The following STAG2 variants were observed in gnomAD, a reference collection of about 807,000 sequenced individuals.
STAG2 encodes STAG2 cohesin complex component, also known as cohesin subunit SA-2.
Under a neutral mutation model 108.1 loss-of-function variants are expected in STAG2, and 14 were observed. That is an observed-to-expected ratio of 0.13 (90% CI 0.09 to 0.20). STAG2 has a LOEUF of 0.20. STAG2 is among the 10% of genes least tolerant of loss of function. STAG2 has a pLI of 1.00. For synonymous variants in STAG2, 307 were observed against 302.7 expected (o/e 1.01, Z -0.15); for missense variants, 440 against 940.9 (o/e 0.47, Z 6.96).
At chrX:123,986,459 A>G (rs940359329) in intron 1 of STAG2, among the ~76,000 whole-genome samples, 5 of 111,219 alleles carry the variant, frequency 4.5e-5, no homozygotes, top group Non-Finnish European at 9.4e-5. Context: ...GTAATGGTGA[A>G]TAGCTTCCAA....
intron 1 of STAG2, among the ~76,000 whole-genome samples, chrX:123,983,485 AT>A (rs1470726410): frequency 9.1e-6 from 1 of 109,860 alleles, no homozygotes; most frequent in Non-Finnish European, 1.9e-5. Context: ...AAGAGCCCAG[AT>A]TTTTTTTTCT....
At chrX:124,041,872 A>G (rs1489619465) in intron 6 of STAG2, among the ~76,000 whole-genome samples, 2 of 111,144 alleles carry the variant, frequency 1.8e-5, no homozygotes, top group East Asian at 5.6e-4. Flanking sequence ...ATAGTTCTTT[A>G]TTTTCTAACT....
At chrX:124,014,350 A>G (rs1157341729) in intron 1 of STAG2, among the ~76,000 whole-genome samples, 1 of 110,824 alleles carries the variant, frequency 9.0e-6, no homozygotes, top group Non-Finnish European at 1.9e-5. Context: ...CATCCTTTAT[A>G]TATATGTATG....
intron 1 of STAG2, among the ~76,000 whole-genome samples, chrX:124,012,988 T>C (rs2056571169): frequency 8.9e-6 from 1 of 111,887 alleles, no homozygotes; most frequent in Non-Finnish European, 1.9e-5. Context: ...AGGATTATCC[T>C]GTGTTCATCT....
In STAG2 at chrX:124,050,174, TC is replaced by T. The variant is rs1421934352; in HGVS notation, c.894-7del. 3 of 1,206,123 alleles carry T rather than the reference TC, an allele frequency of 2.5e-6. No homozygotes were observed. Among genetic ancestry groups the T allele is most frequent in the Non-Finnish European group, 3.4e-6 (3 of 893,054 alleles). On this transcript the variant is annotated splice_polypyrimidine_tract_variant and intron_variant, in intron 10 of 34. Coordinates refer to ENST00000371145, the MANE Select transcript of STAG2 (RefSeq NM_001042750.2). Reference sequence around the variant, plus strand: ...GCACTAATTATGCATCGTTTTTCCTTCCCCCATTCAGTGATGCGATAGCTGA... The same window carrying T: ...GCACTAATTATGCATCGTTTTTCCTTCCCCATTCAGTGATGCGATAGCTGA...
chrX:124,026,877 T>G (rs773548141), intron 4 of STAG2, among the ~76,000 whole-genome samples: 1 of 111,916 alleles, frequency 8.9e-6, no homozygotes, highest in Non-Finnish European at 1.9e-5. Flanking sequence ...TTTTTTTCTA[T>G]TTTTTAAATT....
In STAG2 at chrX:124,071,332, A is replaced by T; in HGVS notation, c.2533+9A>T. 1 of 1,145,620 alleles carries T rather than the reference A, an allele frequency of 8.7e-7. No homozygotes were observed. The allele number at this position is 1,145,620 out of a possible 1,213,427, so 94.4% of individuals were successfully genotyped here. On this transcript the variant is annotated intron_variant, in intron 25 of 34. Coordinates refer to ENST00000371145, the MANE Select transcript of STAG2 (RefSeq NM_001042750.2). ...TGATAATAATAGTGCAGGTAATTTT[A>T]TTGCCATCTTTTTATTAAATCTGTG...
chrX:124,093,296 C>A (rs2059298812), intron 32 of STAG2, among the ~76,000 whole-genome samples: 1 of 110,881 alleles, frequency 9.0e-6, no homozygotes, highest in Admixed American at 9.6e-5. Context: ...CATGAGTGTT[C>A]CTCATTTCTT....
At chrX:124,078,935 C>T (rs777772445) in intron 27 of STAG2, among the ~76,000 whole-genome samples, 1 of 108,730 alleles carries the variant, frequency 9.2e-6, no homozygotes, top group East Asian at 3.0e-4. Flanking sequence ...TGCCACTGCA[C>T]TCCAGCCTGG....
intron 1 of STAG2, among the ~76,000 whole-genome samples, chrX:124,019,433 A>G (rs1033234128): frequency 9.0e-6 from 1 of 111,180 alleles, no homozygotes; most frequent in Non-Finnish European, 1.9e-5. Context: ...CTTAACAGGT[A>G]TTAAGGACAA....
intron 10 of STAG2, 123 bp from the exon 11 acceptor site, chrX:124,050,063 C>T: frequency 1.2e-6 from 1 of 816,538 alleles, no homozygotes; most frequent in South Asian, 3.7e-5. Context: ...ATTTTTTAAT[C>T]CCTAGTAATA....
At chrX:124,084,860 C>T (rs1569520471) in intron 29 of STAG2, among the ~76,000 whole-genome samples, 1 of 112,004 alleles carries the variant, frequency 8.9e-6, no homozygotes, top group Non-Finnish European at 1.9e-5. Flanking sequence ...GGCAGCAGAG[C>T]CTTTTATACA....
chrX:124,074,056 T>C, intron 25 of STAG2, among the ~76,000 whole-genome samples: 1 of 112,400 alleles, frequency 8.9e-6, no homozygotes, highest in Non-Finnish European at 1.9e-5. Context: ...GATATTAGGT[T>C]GAACATTTTG....
chrX:124,042,420 G>T, intron 6 of STAG2, 149 bp from the exon 7 acceptor site: 1 of 411,586 alleles, frequency 2.4e-6, no homozygotes, highest in Non-Finnish European at 4.3e-6. Flanking sequence ...ATAGATTAGA[G>T]TATCATGGTA....
intron 8 of STAG2, among the ~76,000 whole-genome samples, chrX:124,046,931 T>C (rs73212928): frequency 0.16 from 17,687 of 111,160 alleles, 1,160 homozygotes; most frequent in South Asian, 0.36. Flanking sequence ...CTAAATAACT[T>C]CTGTGTGAAC....
chrX:124,020,826 C>T (rs928459579), intron 1 of STAG2, among the ~76,000 whole-genome samples: 1 of 112,399 alleles, frequency 8.9e-6, no homozygotes, highest in Non-Finnish European at 1.9e-5. Flanking sequence ...TGTGCACCAA[C>T]ACACGAGGCT....
Position 124,063,001 on chromosome X carries a change from T to A in STAG2, c.1731+7T>A. ...TCCTCAGTTATTAGCAAAAGTAAGTTTGTGTCAATATCATAGTGTTACTAA... is the reference window on the plus strand; with the variant it reads ...TCCTCAGTTATTAGCAAAAGTAAGTATGTGTCAATATCATAGTGTTACTAA... On this transcript the variant is annotated splice_region_variant and intron_variant, in intron 18 of 34. Coordinates refer to ENST00000371145, the MANE Select transcript of STAG2 (RefSeq NM_001042750.2). 1 of 1,205,232 alleles carries A rather than the reference T, an allele frequency of 8.3e-7. No homozygotes were observed. Among genetic ancestry groups the A allele is most frequent in the African/African-American group, 1.7e-5 (1 of 57,686 alleles).
At chrX:124,012,205 T>C (rs781413857) in intron 1 of STAG2, among the ~76,000 whole-genome samples, 1 of 112,286 alleles carries the variant, frequency 8.9e-6, no homozygotes, top group South Asian at 3.6e-4. Context: ...TTTGCTAGTA[T>C]TTTGTTAGGA....
upstream of STAG2, chrX:123,961,019 C>T (rs2053823221): frequency 8.9e-6 from 1 of 111,989 alleles, no homozygotes; most frequent in African/African-American, 3.3e-5. Flanking sequence ...CATTGAATTT[C>T]CCCTCTGCTT....
Sources: allele counts gnomAD v4.1 joint callset (sites outside exome capture counted in the v4.1 genomes callset), GRCh38; gene constraint gnomAD v4.1.1; transcripts MANE v1.5; gene names NCBI Gene and HGNC (gene_info 2026-07-23, HGNC 2026-07-21).